Variants in SBF2 observed in about 807,000 individuals in gnomAD.
SBF2 encodes SET binding factor 2.
Under a neutral mutation model 225.2 loss-of-function variants are expected in SBF2, and 112 were observed. That is an observed-to-expected ratio of 0.50 (90% CI 0.43 to 0.58). The LOEUF is 0.58. Among genes scored for constraint, SBF2 ranks in the 20% least tolerant of loss-of-function variants. SBF2 has a pLI of 0.00. For missense variants in SBF2, 1,996 were observed against 2,206.2 expected, an observed-to-expected ratio of 0.90 and a Z score of 1.91; for synonymous variants, 763 against 773.3, an observed-to-expected ratio of 0.99 and a Z score of 0.22.
intron 8 of SBF2, among the ~76,000 whole-genome samples, chr11:9,999,279 CTGTATGTATGTATGTA>C (rs3073236): frequency 0.043 from 6,244 of 146,842 alleles, 176 homozygotes; most frequent in Middle Eastern, 0.16. Flanking sequence ...CCTCCAGTGA[CTGTATGTATGTATGTA>C]TGTATGTATG....
At chr11:9,917,074 C>A (rs948219554) in intron 16 of SBF2, among the ~76,000 whole-genome samples, 2 of 149,696 alleles carry the variant, frequency 1.3e-5, no homozygotes, top group Non-Finnish European at 3.0e-5. Flanking sequence ...TTAAAAAAAA[C>A]TCACAAACTT....
At chr11:9,938,763 C>G (rs1478871453) in intron 16 of SBF2, among the ~76,000 whole-genome samples, 1 of 151,848 alleles carries the variant, frequency 6.6e-6, no homozygotes, top group Non-Finnish European at 1.5e-5. Context: ...CAATAAGAAT[C>G]TTGCAAGAAA....
chr11:10,050,689 T>C (rs1950027992), intron 2 of SBF2, among the ~76,000 whole-genome samples: 3 of 152,056 alleles, frequency 2.0e-5, no homozygotes, highest in Admixed American at 2.0e-4. Context: ...GACATAGCTA[T>C]AGGCTACTAT....
At chr11:10,028,926 T>C (rs1439763417) in intron 5 of SBF2, among the ~76,000 whole-genome samples, 1 of 151,834 alleles carries the variant, frequency 6.6e-6, no homozygotes, top group African/African-American at 2.4e-5. Context: ...TGAGCAGAGG[T>C]AGAAGAATGA....
At chr11:10,111,600 G>C (rs1952849413) in intron 2 of SBF2, among the ~76,000 whole-genome samples, 1 of 152,252 alleles carries the variant, frequency 6.6e-6, no homozygotes, top group Non-Finnish European at 1.5e-5. Context: ...ACTTGGCTGG[G>C]TGCAGTGGCT....
At chr11:10,025,759 T>C (rs1432305179) in intron 6 of SBF2, among the ~76,000 whole-genome samples, 4 of 151,862 alleles carry the variant, frequency 2.6e-5, no homozygotes, top group African/African-American at 9.7e-5. Context: ...GCCACCATGC[T>C]CCGCTACTGT....
intron 6 of SBF2, among the ~76,000 whole-genome samples, chr11:10,011,409 G>A (rs972982591): frequency 1.2e-4 from 18 of 152,000 alleles, no homozygotes; most frequent in Non-Finnish European, 2.6e-4. Context: ...GTATTTCTCT[G>A]TAAACATGGG....
At chr11:10,108,555 C>T (rs1226135218) in intron 2 of SBF2, among the ~76,000 whole-genome samples, 4 of 128,650 alleles carry the variant, frequency 3.1e-5, no homozygotes, top group Non-Finnish European at 4.7e-5. Context: ...GACGGAGTCT[C>T]GCTCTGTCGC....
chr11:10,187,084 G>A (rs533392432), intron 2 of SBF2, among the ~76,000 whole-genome samples: 1 of 152,110 alleles, frequency 6.6e-6, no homozygotes, highest in South Asian at 2.1e-4. Context: ...CTTTGTGATT[G>A]ACTTCTGATT....
chr11:9,853,475 A>AG (rs1857105353), intron 20 of SBF2, 65 bp downstream of exon 20: 1 of 1,394,898 alleles, frequency 7.2e-7, no homozygotes, highest in African/African-American at 1.4e-5. Context: ...ATGTATTGCC[A>AG]GGTTTTATGC....
chr11:10,077,088 A>T (rs1415279985), intron 2 of SBF2, among the ~76,000 whole-genome samples: 3 of 152,160 alleles, frequency 2.0e-5, no homozygotes, highest in Non-Finnish European at 4.4e-5. Flanking sequence ...CAACCTGCAG[A>T]GCTTATTACA....
chr11:9,871,734 G>A (rs1459418361), intron 17 of SBF2, among the ~76,000 whole-genome samples: 8 of 151,848 alleles, frequency 5.3e-5, no homozygotes, highest in Middle Eastern at 3.2e-3. Context: ...CTCGTGAACC[G>A]CCTGCCTCAG....
At chr11:10,122,581 C>A (rs1953524697) in intron 2 of SBF2, among the ~76,000 whole-genome samples, 1 of 152,200 alleles carries the variant, frequency 6.6e-6, no homozygotes, top group Non-Finnish European at 1.5e-5. Flanking sequence ...CTATAAAAAA[C>A]TAAAATTAGA....
chr11:9,872,146 G>C (rs1005982684), intron 17 of SBF2, among the ~76,000 whole-genome samples: 1 of 152,208 alleles, frequency 6.6e-6, no homozygotes, highest in Non-Finnish European at 1.5e-5. Flanking sequence ...CCATGAAAAG[G>C]AATGAGATCA....
At chr11:10,301,769 A>G (rs1964600647) in intron 1 of SBF2, among the ~76,000 whole-genome samples, 1 of 152,228 alleles carries the variant, frequency 6.6e-6, no homozygotes, top group Admixed American at 6.5e-5. Flanking sequence ...AAACTTTACT[A>G]AGAATCAGGC....
At chr11:9,949,100 AAAG>A (rs755355894) in intron 16 of SBF2, among the ~76,000 whole-genome samples, 2 of 152,184 alleles carry the variant, frequency 1.3e-5, no homozygotes, top group Non-Finnish European at 1.5e-5. Context: ...AGGCAAGAGA[AAAG>A]AAGAAGGAAT....
At chr11:10,236,126 C>A (rs1477938453) in intron 1 of SBF2, among the ~76,000 whole-genome samples, 2 of 151,890 alleles carry the variant, frequency 1.3e-5, no homozygotes, top group African/African-American at 4.8e-5. Flanking sequence ...TACAAATGAA[C>A]AAATAAAAAC....
At chr11:9,817,766 A>AAAAAAAAAAAG in intron 28 of SBF2, among the ~76,000 whole-genome samples, 1 of 126,038 alleles carries the variant, frequency 7.9e-6, no homozygotes, top group Non-Finnish European at 1.6e-5. Context: ...AAAAAAAAAA[A>AAAAAAAAAAAG]ACTACAAAAA....
intron 32 of SBF2, among the ~76,000 whole-genome samples, chr11:9,798,743 G>A (rs540035113): frequency 6.6e-6 from 1 of 152,196 alleles, no homozygotes; most frequent in East Asian, 1.9e-4. Context: ...TCAGGAGATT[G>A]AGACCATCCT....
Sources: gnomAD v4.1 joint callset for allele counts (sites outside exome capture counted in the v4.1 genomes callset) on GRCh38, gnomAD v4.1.1 for gene constraint, MANE v1.5 for transcripts, NCBI Gene and HGNC (gene_info 2026-07-23, HGNC 2026-07-21) for gene names.